The following ZNF44 variants were observed in gnomAD, a reference collection of about 807,000 sequenced individuals.
ZNF44 encodes the protein gonadotropin inducible transcription repressor-2.
In ZNF44, 9 loss-of-function variants were observed where a neutral mutation model predicts 11.7. That is an observed-to-expected ratio of 0.77 (90% CI 0.46 to 1.35). ZNF44 has a LOEUF of 1.35. ZNF44 is among the 40% of genes most tolerant of loss of function. The pLI, the probability that ZNF44 is intolerant of heterozygous loss-of-function variation, is 0.00. For synonymous variants in ZNF44, 224 were observed against 242.7 expected (o/e 0.92, Z 0.72); for missense variants, 696 against 743.1 (o/e 0.94, Z 0.74).
At chr19:12,247,270 A>G (rs972525158), downstream of ZNF44, 1 of 1,204,216 alleles carries the variant, frequency 8.3e-7, no homozygotes, top group Non-Finnish European at 1.1e-6. Context: ...ATTTACATTT[A>G]TAGTTTCTAT....
chr19:12,248,211 G>C (rs1392544628), exon 8 of ZNF44: 2 of 1,307,438 alleles, frequency 1.5e-6, no homozygotes, highest in Non-Finnish European at 2.0e-6. Flanking sequence ...TTTCTCTCCA[G>C]TATGAGCCTT....
Position 12,273,555 on chromosome 19 carries a change from A to G in ZNF44, c.700T>C (p.Phe234Leu). Reference sequence around the variant, plus strand: ...CTTAGATAGGAACTGTAAACAGGGAAGGCTTTAGAACACTGCTTACATTCA... The same window carrying G: ...CTTAGATAGGAACTGTAAACAGGGAGGGCTTTAGAACACTGCTTACATTCA... ...PYECKQCSKAFPVYSSYLRHE... is the reference protein window; with the variant it reads ...PYECKQCSKALPVYSSYLRHE... The change falls in exon 4 of 4, where the codon TTC becomes CTC. Residue 234 changes from phenylalanine (F) to leucine (L), a missense_variant. Transcript: ENST00000355684. 1.2e-6 allele frequency: 2 copies of G among 1,614,152 alleles called. No individual in the cohort carries two copies. Among genetic ancestry groups the G allele is most frequent in the Non-Finnish European group, 1.7e-6 (2 of 1,180,036 alleles).
downstream of ZNF44, chr19:12,247,559 C>A: frequency 7.4e-7 from 1 of 1,344,964 alleles, no homozygotes. Context: ...TTTCATGTAT[C>A]TGGAAACCTG....
chr19:12,264,546 A>G (rs1382597777), intron 5 of ZNF44, among the ~76,000 whole-genome samples: 1 of 152,236 alleles, frequency 6.6e-6, no homozygotes, highest in African/African-American at 2.4e-5. Context: ...AACATTATCT[A>G]GTTTCAAAAC....
chr19:12,267,011 T>TA (rs746508106), downstream of ZNF44, among the ~76,000 whole-genome samples: 36 of 151,462 alleles, frequency 2.4e-4, no homozygotes, highest in Admixed American at 1.3e-4. Context: ...TCCTCACACC[T>TA]TATCCCTCAG....
downstream of ZNF44, among the ~76,000 whole-genome samples, chr19:12,268,915 A>T (rs1917839345): frequency 6.6e-6 from 1 of 152,104 alleles, no homozygotes; most frequent in East Asian, 1.9e-4. Context: ...ACTAATTTTT[A>T]AAATTATCTG....
intron 5 of ZNF44, among the ~76,000 whole-genome samples, chr19:12,254,176 A>T (rs1359345959): frequency 4.9e-5 from 3 of 60,932 alleles, no homozygotes; most frequent in East Asian, 8.9e-4. Context: ...ACAGCAGATT[A>T]AAAAAAAAAA....
chr19:12,272,635 T>C lies in ZNF44; in HGVS notation c.1620A>G (p.Ala540=), dbSNP rs190210666. ...KPYECKQCRK[A]FFWPSFLLRH... ...TTAGAAGGAAAGAGGGCCAAAAGAA[T>C]GCTTTCCTGCATTGCTTACATTCAT... Residue 540 remains alanine (A), a synonymous_variant, in exon 4 of 4, where the codon GCA becomes GCG. Coordinates refer to ENST00000355684, the MANE Select transcript of ZNF44 (RefSeq NM_016264.4). 1 of 1,612,902 alleles carries C rather than the reference T, an allele frequency of 6.2e-7. No individual in the cohort carries two copies. Among genetic ancestry groups the C allele is most frequent in the East Asian group, 2.2e-5 (1 of 44,758 alleles).
chr19:12,291,752 T>G (rs745870662), intron 1 of ZNF44, among the ~76,000 whole-genome samples: 27 of 151,354 alleles, frequency 1.8e-4, no homozygotes, highest in African/African-American at 6.6e-4. Flanking sequence ...AGAACTTTCA[T>G]TGGCCGAGGC....
intron 1 of ZNF44, among the ~76,000 whole-genome samples, chr19:12,280,472 T>C (rs141447566): frequency 6.6e-6 from 1 of 152,058 alleles, no homozygotes; most frequent in East Asian, 1.9e-4. Context: ...ACTATATAGA[T>C]ATATAATATA....
At chr19:12,258,250 T>TC (rs1189520325) in intron 5 of ZNF44, among the ~76,000 whole-genome samples, 1 of 144,892 alleles carries the variant, frequency 6.9e-6, no homozygotes, top group Non-Finnish European at 1.5e-5. Flanking sequence ...GGAGGATGCT[T>TC]CAGCCCAGAT....
chr19:12,230,913 T>C (rs1014688204), intron 2 of ZNF44, among the ~76,000 whole-genome samples: 1 of 152,096 alleles, frequency 6.6e-6, no homozygotes, highest in African/African-American at 2.4e-5. Context: ...CGTTGGAATG[T>C]CTCTGGGCAG....
chr19:12,289,970 TA>T (rs1404207575), intron 1 of ZNF44, among the ~76,000 whole-genome samples: 2 of 152,110 alleles, frequency 1.3e-5, no homozygotes, highest in Non-Finnish European at 2.9e-5. Flanking sequence ...AGATTTATCT[TA>T]CCTGAAGACT....
intron 5 of ZNF44, among the ~76,000 whole-genome samples, chr19:12,263,790 T>G (rs891999891): frequency 6.6e-6 from 1 of 151,902 alleles, no homozygotes; most frequent in Non-Finnish European, 1.5e-5. Context: ...CTGGACATGG[T>G]GGCAGGCGCC....
intron 3 of ZNF44, among the ~76,000 whole-genome samples, chr19:12,227,841 T>C (rs1568416812): frequency 6.6e-6 from 1 of 152,244 alleles, no homozygotes; most frequent in Non-Finnish European, 1.5e-5. Context: ...CAATGCTTCC[T>C]GTATGATTTT....
intron 1 of ZNF44, among the ~76,000 whole-genome samples, chr19:12,276,752 T>C (rs1967240937): frequency 6.6e-6 from 1 of 152,026 alleles, no homozygotes; most frequent in Non-Finnish European, 1.5e-5. Flanking sequence ...AAGAGGTGAG[T>C]GGGTCTTGAG....
chr19:12,263,732 T>G (rs1037179649), intron 5 of ZNF44, among the ~76,000 whole-genome samples: 9 of 151,782 alleles, frequency 5.9e-5, no homozygotes, highest in Non-Finnish European at 8.8e-5. Context: ...GAGACCATCC[T>G]GGCTAACATG....
intron 1 of ZNF44, among the ~76,000 whole-genome samples, chr19:12,292,793 A>G (rs1968062596): frequency 6.6e-6 from 1 of 151,426 alleles, no homozygotes; most frequent in South Asian, 2.1e-4. Context: ...CTGATAAGCC[A>G]TGCGTCACCA....
intron 1 of ZNF44, among the ~76,000 whole-genome samples, chr19:12,279,752 G>C (rs1175390012): frequency 6.7e-6 from 1 of 150,158 alleles, no homozygotes; most frequent in Admixed American, 6.7e-5. Flanking sequence ...GCAGCTGCAA[G>C]ATACAACAAC....
Sources: allele counts gnomAD v4.1 joint callset (sites outside exome capture counted in the v4.1 genomes callset), GRCh38; gene constraint gnomAD v4.1.1; transcripts MANE v1.5; gene names NCBI Gene and HGNC (gene_info 2026-07-23, HGNC 2026-07-21).